Variants in COL21A1 observed in about 807,000 individuals in gnomAD.
The protein encoded by COL21A1 is collagen type XXI alpha 1 chain, also known as collagen alpha-1(XXI) chain.
A neutral mutation model predicts 137.9 loss-of-function variants in COL21A1; 149 were observed. The ratio of observed to expected loss-of-function variants is 1.08; its 90% confidence interval spans 0.95 to 1.24. The LOEUF is 1.24. Among genes scored for constraint, COL21A1 ranks in the 50% most tolerant of loss-of-function variants. COL21A1 has a pLI of 0.00. For synonymous variants in COL21A1, 456 were observed against 391.5 expected (o/e 1.16, Z -1.95); for missense variants, 1,167 against 1,158.4 (o/e 1.01, Z -0.11).
intron 1 of COL21A1, chr6:56,276,699 T>G (rs1474411551): frequency 3.5e-6 from 5 of 1,437,522 alleles, no homozygotes; most frequent in Non-Finnish European, 4.9e-6. Context: ...TAGTTTAAGA[T>G]GGCCTGGGTG....
intron 1 of COL21A1, among the ~76,000 whole-genome samples, chr6:56,241,657 A>G (rs566113296): frequency 1.3e-5 from 2 of 152,196 alleles, no homozygotes; most frequent in Admixed American, 6.5e-5. Flanking sequence ...CTTCTCCACA[A>G]TGCTTCTCTC....
At chr6:56,171,368 A>G (rs1191042098) in intron 3 of COL21A1, among the ~76,000 whole-genome samples, 1 of 151,958 alleles carries the variant, frequency 6.6e-6, no homozygotes, top group African/African-American at 2.4e-5. Flanking sequence ...AATAAGGGAT[A>G]AAAGTAAAAC....
intron 1 of COL21A1, among the ~76,000 whole-genome samples, chr6:56,215,727 A>G (rs926335563): frequency 2.6e-5 from 4 of 152,102 alleles, no homozygotes; most frequent in African/African-American, 9.7e-5. Context: ...AACTGTAAGA[A>G]CTAAATAAAT....
chr6:56,067,622 G>A (rs1766382775), intron 22 of COL21A1, among the ~76,000 whole-genome samples: 1 of 151,642 alleles, frequency 6.6e-6, no homozygotes, highest in African/African-American at 2.4e-5. Flanking sequence ...ACAGTTTTAG[G>A]TTAGACAAAC....
chr6:56,128,332 C>A (rs1167745976), intron 12 of COL21A1, among the ~76,000 whole-genome samples: 4 of 152,142 alleles, frequency 2.6e-5, no homozygotes, highest in African/African-American at 9.7e-5. Flanking sequence ...CTCTCCCTGT[C>A]TTGTATCAGT....
chr6:56,140,610 G>C (rs1774337544), intron 12 of COL21A1, among the ~76,000 whole-genome samples: 1 of 152,060 alleles, frequency 6.6e-6, no homozygotes, highest in African/African-American at 2.4e-5. Flanking sequence ...CAAAAATCAA[G>C]TAACCATGTT....
At chr6:56,344,909 C>G (rs1459334187) in intron 1 of COL21A1, among the ~76,000 whole-genome samples, 1 of 152,164 alleles carries the variant, frequency 6.6e-6, no homozygotes, top group Non-Finnish European at 1.5e-5. Flanking sequence ...TCCTGTACAG[C>G]CTGTGGAACC....
rs1033170319 is a variant in COL21A1, at chr6:56,212,451, T to C, written c.-38-29795A>G. ...AATACCTATTCCTACTCCGAGGGATTCTAGGTTTATACGAGAAATTCTAGT... is the reference window on the plus strand; with the variant it reads ...AATACCTATTCCTACTCCGAGGGATCCTAGGTTTATACGAGAAATTCTAGT... On this transcript the variant is annotated intron_variant, in intron 1 of 29. Coordinates refer to ENST00000244728, the MANE Select transcript of COL21A1 (RefSeq NM_030820.4). 2.0e-5 allele frequency among the ~76,000 whole-genome samples: 3 copies of C among 152,176 alleles called. No homozygotes were observed. The East Asian group carries it at 5.8e-4, about 29-fold the overall frequency.
At chr6:56,076,442 A>T (rs1227992861) in intron 18 of COL21A1, among the ~76,000 whole-genome samples, 2 of 151,200 alleles carry the variant, frequency 1.3e-5, no homozygotes, top group Non-Finnish European at 3.0e-5. Flanking sequence ...TGTTAGAAAC[A>T]GAATTTAGAA....
chr6:56,231,473 TAAG>T (rs1326247763), intron 1 of COL21A1, among the ~76,000 whole-genome samples: 13 of 151,814 alleles, frequency 8.6e-5, no homozygotes, highest in African/African-American at 3.1e-4. Context: ...CCAAGACCAC[TAAG>T]ACATTGCAGG....
Position 56,070,133 on chromosome 6 carries a change from C to T in COL21A1, c.2019+612G>A, listed in dbSNP as rs139675752. Among the ~76,000 whole-genome samples, 198 of 151,638 alleles carry T rather than the reference C, an allele frequency of 1.3e-3. 1 individual carries two copies. Among genetic ancestry groups the T allele is most frequent in the African/African-American group, 4.7e-3 (195 of 41,464 alleles). On this transcript the variant is annotated intron_variant, in intron 21 of 29. Transcript: ENST00000244728. The stretch of plus-strand genomic sequence containing the variant: ...GAGATGCAACATAATCCTGAACATG[C>T]TTCATGGTTCTGTTTCGTTTTGTGT...
intron 1 of COL21A1, among the ~76,000 whole-genome samples, chr6:56,379,980 G>C (rs74637868): frequency 6.6e-6 from 1 of 152,050 alleles, no homozygotes; most frequent in East Asian, 1.9e-4. Context: ...TATACTTTGA[G>C]TGTTTGTCCC....
intron 1 of COL21A1, among the ~76,000 whole-genome samples, chr6:56,317,090 G>A (rs921542363): frequency 1.3e-5 from 2 of 152,096 alleles, no homozygotes; most frequent in African/African-American, 4.8e-5. Flanking sequence ...CAGGTAAGCG[G>A]ATCTCAGCTG....
chr6:56,244,043 A>G (rs554432357), intron 1 of COL21A1, among the ~76,000 whole-genome samples: 2 of 152,336 alleles, frequency 1.3e-5, no homozygotes, highest in Admixed American at 1.3e-4. Context: ...CTTACTCACA[A>G]CAGTTTCAAG....
rs528195747 is a variant in COL21A1, at chr6:56,192,243, A to T, written c.-38-9587T>A. On this transcript the variant is annotated intron_variant, in intron 1 of 29. Coordinates refer to ENST00000244728, the MANE Select transcript of COL21A1 (RefSeq NM_030820.4). ...TAAACATAAGACCTTAAACCATAAA[A>T]ATCCCAGAAGAAAACCTAGGCAATA... Among the ~76,000 whole-genome samples, 4 of 152,342 alleles carry T rather than the reference A, an allele frequency of 2.6e-5. No individual in the cohort carries two copies. The East Asian group carries it at 7.7e-4, about 29-fold the overall frequency.
At chr6:56,091,373 T>C (rs772882616) in intron 17 of COL21A1, 6 of 152,610 alleles carry the variant, frequency 3.9e-5, no homozygotes, top group Non-Finnish European at 7.3e-5. Flanking sequence ...TAAAAGCCTC[T>C]ATGAGCCAGT....
intron 20 of COL21A1, among the ~76,000 whole-genome samples, chr6:56,073,670 G>A (rs898182150): frequency 6.6e-6 from 1 of 151,328 alleles, no homozygotes; most frequent in Non-Finnish European, 1.5e-5. Flanking sequence ...GCTAGGAAAT[G>A]GTCAAATAAT....
intron 1 of COL21A1, among the ~76,000 whole-genome samples, chr6:56,191,369 G>A (rs781568642): frequency 1.3e-5 from 2 of 151,130 alleles, no homozygotes; most frequent in Admixed American, 1.3e-4. Context: ...GGCGGATCAC[G>A]AGGTCAGGAG....
At chr6:56,299,586 C>T (rs1562045314) in intron 1 of COL21A1, among the ~76,000 whole-genome samples, 1 of 151,966 alleles carries the variant, frequency 6.6e-6, no homozygotes, top group South Asian at 2.1e-4. Flanking sequence ...TATACAGACT[C>T]ATATGAAAAA....
Sources: gnomAD v4.1 joint callset for allele counts (sites outside exome capture counted in the v4.1 genomes callset) on GRCh38, gnomAD v4.1.1 for gene constraint, MANE v1.5 for transcripts, NCBI Gene and HGNC (gene_info 2026-07-23, HGNC 2026-07-21) for gene names.